The following AIFM3 variants were observed in gnomAD, a reference collection of about 807,000 sequenced individuals.
The protein encoded by AIFM3 is AIF family member 3, also known as apoptosis-inducing factor 3.
In AIFM3, 71 loss-of-function variants were observed where a neutral mutation model predicts 82.7. The observed-to-expected ratio is 0.86, with a 90% CI of 0.71 to 1.05. AIFM3 has a LOEUF of 1.05. Among genes scored for constraint, AIFM3 ranks in the 50% least tolerant of loss-of-function variants. The pLI, the probability that AIFM3 is intolerant of heterozygous loss-of-function variation, is 0.00. For synonymous variants in AIFM3, 337 were observed against 329.1 expected, an observed-to-expected ratio of 1.02 and a Z score of -0.26; for missense variants, 748 against 816.7, an observed-to-expected ratio of 0.92 and a Z score of 1.03.
At chr22:20,980,263 TAC>T in intron 19 of AIFM3, 139 bp downstream of exon 19, 1 of 711,928 alleles carries the variant, frequency 1.4e-6, no homozygotes, top group Non-Finnish European at 2.3e-6. Context: ...CTTACAGGAC[TAC>T]AGGGAGGTGT....
At chr22:20,966,185 C>T (rs879614186), upstream of AIFM3, among the ~76,000 whole-genome samples, 2 of 152,216 alleles carry the variant, frequency 1.3e-5, no homozygotes, top group Admixed American at 1.3e-4. Flanking sequence ...CAGGTCTGAC[C>T]TTTTCTGGGA....
At chr22:20,977,464 T>C (rs546887070) in intron 14 of AIFM3, 247 of 612,232 alleles carry the variant, frequency 4.0e-4, no homozygotes, top group African/African-American at 4.0e-3. Context: ...ATGCTGTCCC[T>C]CCACTTAAGG....
At position 20,973,303 on chromosome 22, in the gene AIFM3, A is replaced by C; in HGVS notation, c.32-4A>C. ...GGGGGCTCAAGGCGCTGCCTTGCCCACAGTGGAGCTCAAGATCGAGGTGGT... is the reference window on the plus strand; with the variant it reads ...GGGGGCTCAAGGCGCTGCCTTGCCCCCAGTGGAGCTCAAGATCGAGGTGGT... On this transcript the variant is annotated splice_region_variant and splice_polypyrimidine_tract_variant and intron_variant, in intron 2 of 20. Transcript: ENST00000440238. 1 of 1,574,972 alleles carries C rather than the reference A, an allele frequency of 6.3e-7. No individual in the cohort carries two copies. Among genetic ancestry groups the C allele is most frequent in the Non-Finnish European group, 8.6e-7 (1 of 1,160,638 alleles).
rs563900339 is a variant in AIFM3 at position 20,977,277 on chromosome 22, C to T, written c.1282+182C>T. ...GGGGAAGGTATGTACTGGGCTCAGC[C>T]CAGGCCTGGCACAGTGGATGCTCCC... On this transcript the variant is annotated intron_variant, in intron 14 of 20. Coordinates refer to ENST00000440238, the MANE Select transcript of AIFM3 (RefSeq NM_001386814.1). The T allele has an allele frequency of 6.4e-6, 5 of 782,940 alleles. No individual in the cohort carries two copies. The South Asian group carries it at 6.8e-5, about 11-fold the overall frequency. The allele number at this position is 782,940 out of a possible 1,614,324, so 48.5% of individuals were successfully genotyped here.
Position 20,975,125 on chromosome 22 carries a change from C to G in AIFM3, c.720+309C>G, listed in dbSNP as rs145060156. Among the ~76,000 whole-genome samples the G allele has an allele frequency of 3.7e-3, 560 of 152,240 alleles. 4 individuals are homozygous for G. The highest frequency in any genetic ancestry group is 0.013 in the African/African-American group (530 of 41,544). On this transcript the variant is annotated intron_variant, in intron 8 of 20. Transcript: ENST00000440238. ...TTACAGGTGTGCACCACCACCATGC[C>G]TGGCTAATTTTTTGTATTTTTAGTA...
chr22:20,977,135 GC>G, intron 14 of AIFM3, 40 bp downstream of exon 14: 2 of 1,612,628 alleles, frequency 1.2e-6, no homozygotes, highest in Non-Finnish European at 1.7e-6. Context: ...AAGCAGCCCA[GC>G]CGTCTGCACA....
At chr22:20,976,193 C>T (rs1343286725) in intron 9 of AIFM3, 22 bp from the exon 10 acceptor site, 2 of 1,609,140 alleles carry the variant, frequency 1.2e-6, no homozygotes, top group Non-Finnish European at 1.7e-6. Context: ...CAAGCTCATG[C>T]TCTGCCTGGT....
chr22:20,970,395 T>G (rs1297982683), intron 2 of AIFM3, among the ~76,000 whole-genome samples: 1 of 152,148 alleles, frequency 6.6e-6, no homozygotes, highest in Non-Finnish European at 1.5e-5. Flanking sequence ...CAAGTGATCC[T>G]CCCACCTCCT....
At chr22:20,978,068 T>C (rs1601709145) in intron 16 of AIFM3, 63 bp downstream of exon 16, 1 of 1,498,578 alleles carries the variant, frequency 6.7e-7, no homozygotes, top group East Asian at 2.3e-5. Flanking sequence ...AGTGTCCCCA[T>C]GCCCATGCCT....
In AIFM3 at chr22:20,974,047, C is replaced by T. The variant is rs775229338; in HGVS notation, c.356-16C>T. 1.3e-6 allele frequency: 2 copies of T among 1,594,340 alleles called. No individual in the cohort carries two copies. The highest frequency in any genetic ancestry group is 1.1e-5 in the South Asian group (1 of 88,180). ...ACCCCTGCTGGTGGGCGCAGCCTAACACCTCCCCTTCCCAGGCGTTCTGTC... is the reference window on the plus strand; with the variant it reads ...ACCCCTGCTGGTGGGCGCAGCCTAATACCTCCCCTTCCCAGGCGTTCTGTC... On this transcript the variant is annotated splice_polypyrimidine_tract_variant and intron_variant, in intron 4 of 20. Transcript: ENST00000440238.
intron 2 of AIFM3, among the ~76,000 whole-genome samples, chr22:20,968,916 A>G (rs909461937): frequency 6.6e-6 from 1 of 152,040 alleles, no homozygotes; most frequent in Admixed American, 6.6e-5. Context: ...TCCTGGGTCT[A>G]AGGGAGAACT....
At chr22:20,965,242 A>ACCCCGGAT (rs2147929735), upstream of AIFM3, 1 of 147,906 alleles carries the variant, frequency 6.8e-6, no homozygotes, top group Admixed American at 6.6e-5. Flanking sequence ...GGTCCCCGGA[A>ACCCCGGAT]CCCCGGTCCC....
chr22:20,967,602 C>T (rs1219317301), intron 1 of AIFM3: 6 of 390,640 alleles, frequency 1.5e-5, no homozygotes, highest in Non-Finnish European at 2.8e-5. Context: ...AGAGGAACTC[C>T]ACTGGAGGAG....
chr22:20,967,059 C>T (rs1438747145), upstream of AIFM3: 1 of 152,952 alleles, frequency 6.5e-6, no homozygotes, highest in African/African-American at 2.4e-5. Flanking sequence ...TTTCCCCTAA[C>T]CCCATCAGGC....
At position 20,975,724 on chromosome 22, in the gene AIFM3, G is replaced by C. The variant is rs1923599961; in HGVS notation, c.753G>C (p.Leu251=). ...SLDTQPEQLA[L]RPKEFFRAYG... ...ACACACAGCCTGAGCAGCTGGCCCTGAGGCCCAAGGAGTTTTTCCGAGCCT... is the reference window on the plus strand; with the variant it reads ...ACACACAGCCTGAGCAGCTGGCCCTCAGGCCCAAGGAGTTTTTCCGAGCCT... Residue 251 remains leucine, a synonymous_variant, in exon 9 of 21, where the codon CTG becomes CTC. Coordinates refer to ENST00000440238, the MANE Select transcript of AIFM3 (RefSeq NM_001386814.1). 1 of 1,613,596 alleles carries C rather than the reference G, an allele frequency of 6.2e-7. No homozygotes were observed. Among genetic ancestry groups the C allele is most frequent in the Admixed American group, 1.7e-5 (1 of 60,012 alleles).
At chr22:20,968,266 G>T (rs1242335613) in intron 2 of AIFM3, among the ~76,000 whole-genome samples, 1 of 152,184 alleles carries the variant, frequency 6.6e-6, no homozygotes, top group Non-Finnish European at 1.5e-5. Context: ...GGTTCCTCCT[G>T]TTGCAGGGTT....
At chr22:20,968,730 G>C (rs1395595639) in intron 2 of AIFM3, among the ~76,000 whole-genome samples, 1 of 152,102 alleles carries the variant, frequency 6.6e-6, no homozygotes, top group South Asian at 2.1e-4. Context: ...CACAGGTGGA[G>C]AAACTGAGGC....
Position 20,977,197 on chromosome 22 carries a change from TCCA to T in AIFM3, c.1282+107_1282+109del, listed in dbSNP as rs766383480. 11 of 1,497,836 alleles carry T rather than the reference TCCA, an allele frequency of 7.3e-6. 1 individual carries two copies. The South Asian group carries it at 1.1e-4, about 14-fold the overall frequency. 92.8% of individuals were successfully genotyped at this position (1,497,836 alleles called of 1,614,324 possible). On this transcript the variant is annotated intron_variant, in intron 14 of 20. Coordinates refer to ENST00000440238, the MANE Select transcript of AIFM3 (RefSeq NM_001386814.1). ...CCCTTCCCCTCCCAGAGCCTCAGTT[TCCA>T]CCACATCTGTCAAATGGGAACCCCC...
chr22:20,970,262 G>A (rs1013136982), intron 2 of AIFM3, among the ~76,000 whole-genome samples: 6 of 152,238 alleles, frequency 3.9e-5, no homozygotes, highest in Non-Finnish European at 5.9e-5. Flanking sequence ...TGTCACCAAC[G>A]AGGTAGGCAT....
Sources: gnomAD v4.1 joint callset for allele counts (sites outside exome capture counted in the v4.1 genomes callset) on GRCh38, gnomAD v4.1.1 for gene constraint, MANE v1.5 for transcripts, NCBI Gene and HGNC (gene_info 2026-07-23, HGNC 2026-07-21) for gene names.